The following SUGCT variants were observed in gnomAD, a reference collection of about 807,000 sequenced individuals.
SUGCT encodes the protein succinyl-CoA:glutarate-CoA transferase.
A neutral mutation model predicts 55.0 loss-of-function variants in SUGCT; 41 were observed. That is an observed-to-expected ratio of 0.74 (90% confidence interval 0.58 to 0.97). The LOEUF (loss-of-function observed/expected upper bound fraction) is 0.97. Ranked by LOEUF, SUGCT falls within the 50% of genes least tolerant of loss-of-function variation. The probability of loss-of-function intolerance (pLI) is 0.00; values close to 1 mark genes in which losing one functional copy is unlikely to be tolerated. For missense variants in SUGCT, 568 were observed against 547.8 expected, an observed-to-expected ratio of 1.04 and a Z score of -0.37; for synonymous variants, 187 against 200.4, an observed-to-expected ratio of 0.93 and a Z score of 0.56.
At chr7:40,647,510 C>G (rs1385063895) in intron 12 of SUGCT, among the ~76,000 whole-genome samples, 1 of 151,878 alleles carries the variant, frequency 6.6e-6, no homozygotes, top group African/African-American at 2.4e-5. Context: ...TGAGACAAGC[C>G]CTATCATATA....
chr7:40,334,201 G>A (rs878930924), intron 9 of SUGCT, among the ~76,000 whole-genome samples: 4 of 152,026 alleles, frequency 2.6e-5, no homozygotes, highest in African/African-American at 4.8e-5. Context: ...GAATAGTGCC[G>A]CCATGAACAT....
chr7:40,604,339 A>C (rs965047639), intron 12 of SUGCT, among the ~76,000 whole-genome samples: 1 of 152,078 alleles, frequency 6.6e-6, no homozygotes, highest in East Asian at 1.9e-4. Context: ...TGTTACATGA[A>C]TCTGCTTGGT....
At chr7:40,812,834 C>T (rs533440665) in intron 13 of SUGCT, among the ~76,000 whole-genome samples, 1 of 152,044 alleles carries the variant, frequency 6.6e-6, no homozygotes, top group Non-Finnish European at 1.5e-5. Flanking sequence ...ATCTTTCTAA[C>T]CTTTTGAGGT....
chr7:40,626,973 T>G (rs993408615), intron 12 of SUGCT, among the ~76,000 whole-genome samples: 5 of 152,172 alleles, frequency 3.3e-5, no homozygotes, highest in African/African-American at 1.2e-4. Context: ...AGGAAGGCAA[T>G]ATGATGAAAA....
intron 9 of SUGCT, among the ~76,000 whole-genome samples, chr7:40,413,865 T>G (rs1182265877): frequency 2.0e-5 from 3 of 152,120 alleles, no homozygotes; most frequent in Non-Finnish European, 4.4e-5. Flanking sequence ...TGAATTACAG[T>G]TTTCTTTATT....
intron 12 of SUGCT, among the ~76,000 whole-genome samples, chr7:40,551,152 T>G (rs980092723): frequency 6.6e-6 from 1 of 152,198 alleles, no homozygotes. Flanking sequence ...GACATCCTCC[T>G]CTTGGAACAC....
chr7:40,195,122 C>T (rs564736633), intron 6 of SUGCT, 62 bp downstream of exon 6: 4 of 1,438,420 alleles, frequency 2.8e-6, no homozygotes, highest in East Asian at 2.6e-5. Flanking sequence ...TTTCTTATTG[C>T]TATAAGAAAC....
intron 12 of SUGCT, among the ~76,000 whole-genome samples, chr7:40,740,001 A>C (rs1470070444): frequency 3.3e-5 from 5 of 152,156 alleles, no homozygotes; most frequent in Admixed American, 3.3e-4. Context: ...TTTTGGGAGA[A>C]TTGGGATCTT....
intron 7 of SUGCT, among the ~76,000 whole-genome samples, chr7:40,258,599 G>A (rs940881831): frequency 6.6e-6 from 1 of 152,088 alleles, no homozygotes; most frequent in African/African-American, 2.4e-5. Flanking sequence ...GGCTGGTCTC[G>A]AACTCCTGAC....
intron 6 of SUGCT, among the ~76,000 whole-genome samples, chr7:40,215,658 C>G (rs527713466): frequency 6.6e-6 from 1 of 151,920 alleles, no homozygotes; most frequent in African/African-American, 2.4e-5. Flanking sequence ...GTCAGGAGAT[C>G]GAAACCATCC....
chr7:40,893,366 T>A, the SUGCT span, among the ~76,000 whole-genome samples: 1 of 152,148 alleles, frequency 6.6e-6, no homozygotes, highest in East Asian at 1.9e-4. Flanking sequence ...ATTCCATCTA[T>A]CAGGAGCAGA....
At chr7:40,433,172 C>G (rs1304457563) in intron 9 of SUGCT, among the ~76,000 whole-genome samples, 6 of 151,990 alleles carry the variant, frequency 3.9e-5, no homozygotes, top group Non-Finnish European at 8.8e-5. Context: ...GTTGTGTCTC[C>G]TTGTGGAGCT....
At chr7:40,316,079 C>CA (rs540174538) in intron 8 of SUGCT, among the ~76,000 whole-genome samples, 70 of 152,164 alleles carry the variant, frequency 4.6e-4, no homozygotes, top group Admixed American at 1.5e-3. Context: ...CGGCAGTTCT[C>CA]AAAAATTGAA....
chr7:40,451,177 C>T (rs556327139), intron 10 of SUGCT, among the ~76,000 whole-genome samples: 11 of 152,032 alleles, frequency 7.2e-5, no homozygotes, highest in African/African-American at 1.7e-4. Context: ...TTGCTATAAA[C>T]GAGTACAGAT....
intron 12 of SUGCT, among the ~76,000 whole-genome samples, chr7:40,627,431 C>T (rs1044935838): frequency 3.9e-5 from 6 of 151,998 alleles, no homozygotes; most frequent in African/African-American, 1.5e-4. Context: ...CAATCAGAGG[C>T]TGAAGTGAAG....
At chr7:40,877,443 T>C in the SUGCT span, among the ~76,000 whole-genome samples, 1 of 152,208 alleles carries the variant, frequency 6.6e-6, no homozygotes, top group Non-Finnish European at 1.5e-5. Context: ...TTTTTGATAA[T>C]GTACTGCAGG....
chr7:40,995,955 A>G, the SUGCT span, among the ~76,000 whole-genome samples: 1 of 152,220 alleles, frequency 6.6e-6, no homozygotes, highest in Non-Finnish European at 1.5e-5. Context: ...GTGGTATCAT[A>G]CATGAGGGGC....
chr7:40,745,407 G>T (rs914245245), intron 12 of SUGCT, among the ~76,000 whole-genome samples: 2 of 151,898 alleles, frequency 1.3e-5, no homozygotes, highest in African/African-American at 2.4e-5. Context: ...TTTATAAAAA[G>T]ACTTTCTTAC....
the SUGCT span, among the ~76,000 whole-genome samples, chr7:41,036,617 T>A: frequency 6.6e-6 from 1 of 152,188 alleles, no homozygotes; most frequent in Non-Finnish European, 1.5e-5. Flanking sequence ...AGGACTCTAC[T>A]GGGATGGTGC....
Sources: allele counts gnomAD v4.1 joint callset (sites outside exome capture counted in the v4.1 genomes callset), GRCh38; gene constraint gnomAD v4.1.1; transcripts MANE v1.5; gene names NCBI Gene and HGNC (gene_info 2026-07-23, HGNC 2026-07-21).